Variants in BRD10 observed in about 807,000 individuals in gnomAD.
BRD10 encodes the protein uncharacterized bromodomain-containing protein 10.
the BRD10 span, chr9:5,898,302 T>G: frequency 6.6e-6 from 1 of 152,634 alleles, no homozygotes; most frequent in East Asian, 1.9e-4. Flanking sequence ...TGCCTCGGCC[T>G]CCCAAAGTGT....
At chr9:6,004,594 T>C in the BRD10 span, among the ~76,000 whole-genome samples, 1 of 152,228 alleles carries the variant, frequency 6.6e-6, no homozygotes, top group Non-Finnish European at 1.5e-5. Context: ...GTTCCTTTAG[T>C]GTCTTACAAA....
the BRD10 span, among the ~76,000 whole-genome samples, chr9:5,989,262 A>AT: frequency 9.2e-6 from 1 of 108,880 alleles, no homozygotes; most frequent in Non-Finnish European, 1.9e-5. Flanking sequence ...AAAAAAAAAA[A>AT]TCCAAAAATT....
At chr9:5,939,534 C>T in the BRD10 span, among the ~76,000 whole-genome samples, 1 of 152,190 alleles carries the variant, frequency 6.6e-6, no homozygotes, top group Non-Finnish European at 1.5e-5. Flanking sequence ...TCACAAGTTC[C>T]ATCAAGTACA....
chr9:5,984,643 G>T, the BRD10 span, among the ~76,000 whole-genome samples: 1 of 152,048 alleles, frequency 6.6e-6, no homozygotes, highest in Non-Finnish European at 1.5e-5. Context: ...AAAACTCAGA[G>T]AAGACAAAAG....
chr9:5,922,926 G>T, the BRD10 span: 1 of 1,614,042 alleles, frequency 6.2e-7, no homozygotes, highest in South Asian at 1.1e-5. Context: ...GAAGGAGGCA[G>T]TTGATTTGTT....
chr9:5,917,223 T>A, the BRD10 span, among the ~76,000 whole-genome samples: 1 of 152,206 alleles, frequency 6.6e-6, no homozygotes, highest in Non-Finnish European at 1.5e-5. Context: ...TCAGTCTGAG[T>A]GACTGCACAA....
At chr9:5,975,640 G>A in the BRD10 span, among the ~76,000 whole-genome samples, 24 of 151,994 alleles carry the variant, frequency 1.6e-4, no homozygotes, top group East Asian at 1.2e-3. Flanking sequence ...GATTAGACAC[G>A]GCAGAAGAAA....
the BRD10 span, among the ~76,000 whole-genome samples, chr9:5,885,706 C>T: frequency 1.3e-5 from 2 of 152,148 alleles, no homozygotes; most frequent in Admixed American, 6.5e-5. Context: ...CACAGCAATT[C>T]TGTAATTATT....
chr9:5,924,753 C>G, the BRD10 span: 1 of 1,606,868 alleles, frequency 6.2e-7, no homozygotes, highest in East Asian at 2.2e-5. Context: ...TCCAAGATCT[C>G]CTTCACCTTC....
At chr9:5,976,565 G>A in the BRD10 span, among the ~76,000 whole-genome samples, 2 of 152,088 alleles carry the variant, frequency 1.3e-5, no homozygotes, top group Non-Finnish European at 2.9e-5. Flanking sequence ...TCACTTATTA[G>A]TTATAAAACA....
At chr9:5,879,488 C>T in the BRD10 span, among the ~76,000 whole-genome samples, 2 of 152,164 alleles carry the variant, frequency 1.3e-5, no homozygotes, top group African/African-American at 4.8e-5. Flanking sequence ...GACCCTGCCT[C>T]CTTTTCATCC....
chr9:5,909,565 A>G, the BRD10 span: 5 of 152,230 alleles, frequency 3.3e-5, no homozygotes, highest in Admixed American at 6.5e-5. Flanking sequence ...GCTGGATCCT[A>G]TATCTTAGGT....
chr9:6,000,964 T>C, the BRD10 span, among the ~76,000 whole-genome samples: 8 of 152,230 alleles, frequency 5.3e-5, no homozygotes, highest in African/African-American at 1.9e-4. Flanking sequence ...TAAACTTCTC[T>C]AGCCCTTGTC....
the BRD10 span, among the ~76,000 whole-genome samples, chr9:5,918,667 T>C: frequency 6.8e-6 from 1 of 146,752 alleles, no homozygotes; most frequent in Non-Finnish European, 1.5e-5. Flanking sequence ...TTGCCATTAG[T>C]GGCATTAGTG....
At chr9:5,904,240 T>C in the BRD10 span, among the ~76,000 whole-genome samples, 134,677 of 152,184 alleles carry the variant, frequency 0.88, 61,139 homozygotes, top group Non-Finnish European at 0.99. Context: ...AGTTGGGTCT[T>C]GTTTGTTGAT....
At chr9:5,931,418 T>C in the BRD10 span, among the ~76,000 whole-genome samples, 1 of 152,256 alleles carries the variant, frequency 6.6e-6, no homozygotes, top group African/African-American at 2.4e-5. Context: ...TTACCTTTTA[T>C]GTTTATTACT....
chr9:5,958,660 AG>A, the BRD10 span, among the ~76,000 whole-genome samples: 4 of 152,224 alleles, frequency 2.6e-5, no homozygotes, highest in African/African-American at 9.6e-5. Flanking sequence ...AGAAAAAAAA[AG>A]GTACTTCAAT....
chr9:5,932,175 T>C, the BRD10 span, among the ~76,000 whole-genome samples: 7 of 152,158 alleles, frequency 4.6e-5, no homozygotes, highest in Non-Finnish European at 7.4e-5. Flanking sequence ...CAAGCAAATA[T>C]TTATTGAACT....
At chr9:5,886,894 G>C in the BRD10 span, among the ~76,000 whole-genome samples, 1 of 152,292 alleles carries the variant, frequency 6.6e-6, no homozygotes. Flanking sequence ...CACCTCAGAA[G>C]CTGCAAACCA....
Sources: allele counts gnomAD v4.1 joint callset (sites outside exome capture counted in the v4.1 genomes callset), GRCh38; gene constraint gnomAD v4.1.1; transcripts MANE v1.5; gene names NCBI Gene and HGNC (gene_info 2026-07-23, HGNC 2026-07-21).